Variants in ECHDC2 observed in about 807,000 individuals in gnomAD.
ECHDC2 encodes the protein enoyl-CoA hydratase domain containing 2, also known as enoyl-CoA hydratase domain-containing protein 2, mitochondrial.
Under a neutral mutation model 40.6 loss-of-function variants are expected in ECHDC2, and 34 were observed. The ratio of observed to expected loss-of-function variants is 0.84; its 90% CI spans 0.64 to 1.11. ECHDC2 has a LOEUF of 1.11. Among genes scored for constraint, ECHDC2 ranks in the 50% most tolerant of loss-of-function variants. The pLI is 0.00. For missense variants in ECHDC2, 392 were observed against 400.7 expected (o/e 0.98, Z 0.19); for synonymous variants, 162 against 166.6 (o/e 0.97, Z 0.21).
chr1:52,917,610 G>A (rs1651000838), intron 1 of ECHDC2: 1 of 455,930 alleles, frequency 2.2e-6, no homozygotes, highest in Admixed American at 2.4e-5. Context: ...GAACCTTAGT[G>A]CCCAGCTAAG....
intron 8 of ECHDC2, 62 bp downstream of exon 8, chr1:52,899,112 G>A (rs1557475104): frequency 1.3e-6 from 2 of 1,540,520 alleles, no homozygotes; most frequent in Non-Finnish European, 1.8e-6. Context: ...AGCTCTGAAA[G>A]CACTGTGTCC....
At chr1:52,899,147 C>A (rs964922311) in intron 8 of ECHDC2, 27 bp downstream of exon 8, 1 of 1,613,956 alleles carries the variant, frequency 6.2e-7, no homozygotes, top group South Asian at 1.1e-5. Flanking sequence ...TTTAGTGGAC[C>A]CAAGTCCCAA....
chr1:52,915,127 A>C, intron 1 of ECHDC2: 1 of 436,404 alleles, frequency 2.3e-6, no homozygotes, highest in South Asian at 1.6e-5. Flanking sequence ...GAAGGAGCTC[A>C]CACCCTTATC....
rs200045876 is a variant in ECHDC2, at chr1:52,907,936, C to G, written c.296G>C (p.Arg99Pro). The G allele has an allele frequency of 2.5e-5, 41 of 1,614,014 alleles. No homozygotes were observed. Among genetic ancestry groups the G allele is most frequent in the Non-Finnish European group, 3.5e-5 (41 of 1,180,036 alleles). The change falls in exon 4 of 10, where the codon CGG becomes CCG. Residue 99 changes from arginine (R) to proline (P), a missense_variant. By Grantham distance (103) the Arg-to-Pro change is moderately radical. Coordinates refer to ENST00000371522, the MANE Select transcript of ECHDC2 (RefSeq NM_001198961.2). ...VFCAGADLKE[R>P]EQMSEAEVGV... ...CACCTCTGCTTCACTCATCTGTTCC[C>G]GCTCCTTCAGGTCTGCACCTGCAGA...
chr1:52,909,839 G>C (rs897341096), intron 3 of ECHDC2, among the ~76,000 whole-genome samples: 1 of 152,240 alleles, frequency 6.6e-6, no homozygotes, highest in Non-Finnish European at 1.5e-5. Context: ...CAGATGCAGA[G>C]GGCTGACGGT....
intron 5 of ECHDC2, chr1:52,905,804 AC>A: frequency 6.0e-6 from 1 of 168,058 alleles, no homozygotes; most frequent in Non-Finnish European, 1.3e-5. Context: ...TTGGGGCTAG[AC>A]CAGCCTGGTA....
intron 1 of ECHDC2, among the ~76,000 whole-genome samples, chr1:52,918,759 A>C (rs887413075): frequency 2.6e-5 from 4 of 152,322 alleles, no homozygotes; most frequent in African/African-American, 9.6e-5. Flanking sequence ...TCATTGAAGA[A>C]AGAAACATTT....
intron 7 of ECHDC2, among the ~76,000 whole-genome samples, 156 bp downstream of exon 7, chr1:52,904,490 G>A (rs186188747): frequency 2.6e-5 from 4 of 152,172 alleles, no homozygotes; most frequent in African/African-American, 9.7e-5. Context: ...ATTAAAATTT[G>A]ACTTGATTGT....
In ECHDC2 at chr1:52,910,823, G is replaced by A. The variant is rs570580989; in HGVS notation, c.277+743C>T. Reference sequence around the variant, plus strand: ...TACGGTGGCATGCAGGTGGGCAAGCGCCTTGGCGGGAAGAGTGACCGTGGT... The same window carrying A: ...TACGGTGGCATGCAGGTGGGCAAGCACCTTGGCGGGAAGAGTGACCGTGGT... On this transcript the variant is annotated intron_variant, in intron 3 of 9. Coordinates refer to ENST00000371522, the MANE Select transcript of ECHDC2 (RefSeq NM_001198961.2). Among the ~76,000 whole-genome samples the A allele has an allele frequency of 3.3e-5, 5 of 152,346 alleles. 1 individual carries two copies. The highest frequency in any genetic ancestry group is 1.2e-4 in the African/African-American group (5 of 41,594).
At chr1:52,904,855 G>A in intron 6 of ECHDC2, 22 bp from the exon 7 acceptor site, 2 of 1,605,652 alleles carry the variant, frequency 1.2e-6, no homozygotes, top group Non-Finnish European at 1.7e-6. Context: ...GAGGGAGCAG[G>A]GTGGGAATCA....
intron 5 of ECHDC2, 64 bp from the exon 6 acceptor site, chr1:52,905,154 G>C: frequency 6.4e-7 from 1 of 1,568,274 alleles, no homozygotes; most frequent in East Asian, 2.3e-5. Context: ...TAATCCCGGG[G>C]GCCACAGCTG....
intron 4 of ECHDC2, chr1:52,907,213 CA>C (rs948355999): frequency 1.3e-5 from 2 of 152,118 alleles, no homozygotes; most frequent in Non-Finnish European, 2.9e-5. Context: ...TCTCAGAAGC[CA>C]ATTTTCCCTT....
At chr1:52,916,337 T>A (rs1442707764) in intron 1 of ECHDC2, among the ~76,000 whole-genome samples, 2 of 152,106 alleles carry the variant, frequency 1.3e-5, no homozygotes, top group African/African-American at 4.8e-5. Flanking sequence ...CTCTCATCTT[T>A]CAGCTTCATC....
At chr1:52,916,547 T>C (rs1650699735) in intron 1 of ECHDC2, among the ~76,000 whole-genome samples, 2 of 152,190 alleles carry the variant, frequency 1.3e-5, no homozygotes, top group African/African-American at 4.8e-5. Flanking sequence ...TGCATTTAAG[T>C]GTCTAACCAG....
intron 7 of ECHDC2, chr1:52,899,595 C>A: frequency 4.2e-6 from 1 of 237,454 alleles, no homozygotes; most frequent in Non-Finnish European, 8.2e-6. Flanking sequence ...TGTGAGATTG[C>A]AGTGCAGGGA....
intron 1 of ECHDC2, among the ~76,000 whole-genome samples, chr1:52,917,209 G>T (rs979149582): frequency 1.3e-5 from 2 of 149,078 alleles, no homozygotes; most frequent in African/African-American, 5.0e-5. Flanking sequence ...GCAACAGAGT[G>T]AGACCATCTC....
chr1:52,916,931 A>C (rs895780379), intron 1 of ECHDC2, among the ~76,000 whole-genome samples: 1 of 152,070 alleles, frequency 6.6e-6, no homozygotes, highest in South Asian at 2.1e-4. Flanking sequence ...GTCAACAGAA[A>C]CCACTAGAAG....
At position 52,904,688 on chromosome 1, in the gene ECHDC2, G is replaced by A; in HGVS notation, c.660C>T (p.Ala220=). 1 of 1,610,946 alleles carries A rather than the reference G, an allele frequency of 6.2e-7. No individual in the cohort carries two copies. The highest frequency in any genetic ancestry group is 8.5e-7 in the Non-Finnish European group (1 of 1,179,076). The part of the protein sequence containing the change: ...AVAQNEEGDA[A]YQRARALAQE... Reference sequence around the variant, plus strand: ...GGGCCAGTGCTCGTGCCCGCTGGTAGGCGGCGTCCCCCTCCTCGTTCTGGG... The same window carrying A: ...GGGCCAGTGCTCGTGCCCGCTGGTAAGCGGCGTCCCCCTCCTCGTTCTGGG... Residue 220 remains alanine, a synonymous_variant, in exon 7 of 10, where the codon GCC becomes GCT. Coordinates refer to ENST00000371522, the MANE Select transcript of ECHDC2 (RefSeq NM_001198961.2).
intron 1 of ECHDC2, 58 bp downstream of exon 1, chr1:52,921,495 C>A (rs987898940): frequency 6.4e-7 from 1 of 1,552,224 alleles, no homozygotes. Context: ...GCCGGTCCCC[C>A]GCTGCCTCCG....
Sources: allele counts gnomAD v4.1 joint callset (sites outside exome capture counted in the v4.1 genomes callset), GRCh38; gene constraint gnomAD v4.1.1; transcripts MANE v1.5; gene names NCBI Gene and HGNC (gene_info 2026-07-23, HGNC 2026-07-21).